PRKD1: variants seen among roughly 807,000 people sequenced by gnomAD.
The protein encoded by PRKD1 is serine/threonine-protein kinase D1.
Under a neutral mutation model 95.9 loss-of-function variants are expected in PRKD1, and 63 were observed. That is an observed-to-expected ratio of 0.66 (90% CI 0.54 to 0.81). PRKD1 has a LOEUF of 0.81. PRKD1 is among the 30% of genes least tolerant of loss of function. PRKD1 has a pLI of 0.00. For missense variants in PRKD1, 1,048 were observed against 1,165.3 expected, an observed-to-expected ratio of 0.90 and a Z score of 1.47; for synonymous variants, 425 against 423.1, an observed-to-expected ratio of 1.00 and a Z score of -0.05.
At chr14:29,639,490 T>C (rs1594386071) in intron 4 of PRKD1, among the ~76,000 whole-genome samples, 1 of 151,756 alleles carries the variant, frequency 6.6e-6, no homozygotes, top group South Asian at 2.1e-4. Flanking sequence ...GTGGTGGTGC[T>C]CGCCTGTAAT....
chr14:29,605,266 G>C (rs371720261), intron 13 of PRKD1, among the ~76,000 whole-genome samples: 1 of 152,240 alleles, frequency 6.6e-6, no homozygotes, highest in East Asian at 1.9e-4. Context: ...GCCCACAAAT[G>C]AATCACCACC....
chr14:29,603,597 A>T (rs75667033), intron 13 of PRKD1, among the ~76,000 whole-genome samples: 18 of 152,328 alleles, frequency 1.2e-4, no homozygotes, highest in Non-Finnish European at 2.4e-4. Flanking sequence ...AAGTTCAACC[A>T]AGGTGGTCCA....
intron 4 of PRKD1, among the ~76,000 whole-genome samples, chr14:29,652,077 G>A (rs1881540481): frequency 6.6e-6 from 1 of 152,092 alleles, no homozygotes; most frequent in African/African-American, 2.4e-5. Flanking sequence ...TAGCAGTTCA[G>A]AAGTTATGAG....
intron 1 of PRKD1, among the ~76,000 whole-genome samples, chr14:29,781,612 A>G (rs45590342): frequency 0.014 from 2,070 of 152,344 alleles, 50 homozygotes; most frequent in African/African-American, 0.047. Flanking sequence ...TTCAGTTTTG[A>G]TAATGGCTGA....
intron 1 of PRKD1, among the ~76,000 whole-genome samples, chr14:29,835,558 TTTTC>T (rs1252192450): frequency 6.6e-6 from 1 of 152,098 alleles, no homozygotes; most frequent in African/African-American, 2.4e-5. Flanking sequence ...CAAATTACTC[TTTTC>T]TTTATTTATT....
intron 1 of PRKD1, among the ~76,000 whole-genome samples, chr14:29,792,587 CA>C (rs1174300820): frequency 1.3e-5 from 2 of 151,984 alleles, no homozygotes; most frequent in Admixed American, 1.3e-4. Context: ...ATTTGGTGAC[CA>C]TTATAAATAA....
intron 1 of PRKD1, among the ~76,000 whole-genome samples, chr14:29,830,752 G>A (rs925328950): frequency 6.6e-6 from 1 of 151,994 alleles, no homozygotes; most frequent in Non-Finnish European, 1.5e-5. Context: ...GAATGTAGTG[G>A]CATGATCACG....
intron 1 of PRKD1, among the ~76,000 whole-genome samples, chr14:29,916,580 A>T (rs1566670487): frequency 1.3e-5 from 2 of 152,184 alleles, no homozygotes; most frequent in African/African-American, 4.8e-5. Flanking sequence ...CTCTAGTGTT[A>T]CTGTTCTGAG....
chr14:29,746,295 CA>C (rs561978138), intron 1 of PRKD1, among the ~76,000 whole-genome samples: 369 of 152,126 alleles, frequency 2.4e-3, no homozygotes, highest in Non-Finnish European at 2.6e-3. Context: ...ATAACCACAC[CA>C]ACTTGGCTTG....
intron 1 of PRKD1, among the ~76,000 whole-genome samples, chr14:29,819,220 T>G (rs1594546961): frequency 6.6e-6 from 1 of 152,204 alleles, no homozygotes; most frequent in Non-Finnish European, 1.5e-5. Context: ...AGGTACTTTA[T>G]CAATGACAAA....
Position 29,632,886 on chromosome 14 carries a change from CTG to C in PRKD1, c.1373_1374del (p.Thr458ArgfsTer12), listed in dbSNP as rs987290389. The C allele has an allele frequency of 2.5e-6, 4 of 1,612,952 alleles. No individual in the cohort carries two copies. The Admixed American group carries it at 5.0e-5, about 20-fold the overall frequency. On this transcript the variant is annotated frameshift_variant, in exon 9 of 18. Transcript: ENST00000331968. LOFTEE classifies it high-confidence loss of function. ...ACTCTTACCTTGTAGTACCTGCTTC[CTG>C]TGTCATTCTGAAAGAGGGTAATACA... ...SKCITLFQND[T>X]GSRYYKEIPL...
intron 1 of PRKD1, among the ~76,000 whole-genome samples, chr14:29,788,023 C>G (rs1414628106): frequency 1.3e-5 from 2 of 152,030 alleles, no homozygotes; most frequent in Non-Finnish European, 1.5e-5. Flanking sequence ...GAGTTGTATA[C>G]TTTCATATGT....
chr14:29,690,570 A>G (rs11851251), intron 2 of PRKD1, among the ~76,000 whole-genome samples: 79,118 of 151,976 alleles, frequency 0.52, 23,217 homozygotes, highest in African/African-American at 0.8. Flanking sequence ...TTCTGCTTCA[A>G]TGTCTCTTTC....
intron 16 of PRKD1, among the ~76,000 whole-genome samples, chr14:29,585,306 C>T (rs913940270): frequency 1.3e-5 from 2 of 152,212 alleles, no homozygotes; most frequent in Admixed American, 6.5e-5. Context: ...AAATCATCGT[C>T]TCACTCACTC....
intron 1 of PRKD1, among the ~76,000 whole-genome samples, chr14:29,926,948 G>A (rs1408818299): frequency 6.6e-6 from 1 of 151,772 alleles, no homozygotes; most frequent in Non-Finnish European, 1.5e-5. Flanking sequence ...GGGGCGCGGC[G>A]AGGAAAGGGC....
intron 1 of PRKD1, among the ~76,000 whole-genome samples, chr14:29,789,125 A>C (rs1257125889): frequency 6.6e-6 from 1 of 152,052 alleles, no homozygotes; most frequent in Admixed American, 6.5e-5. Context: ...AGCTCAAGTG[A>C]TGTTCCTGCC....
intron 1 of PRKD1, among the ~76,000 whole-genome samples, chr14:29,922,129 A>G (rs1181980698): frequency 5.3e-5 from 8 of 151,920 alleles, no homozygotes; most frequent in East Asian, 1.9e-4. Flanking sequence ...GTGAAACCCC[A>G]TCTCTACTAA....
intron 3 of PRKD1, among the ~76,000 whole-genome samples, chr14:29,665,574 G>T (rs1882442894): frequency 6.6e-6 from 1 of 152,058 alleles, no homozygotes; most frequent in South Asian, 2.1e-4. Flanking sequence ...TCTTTTTCAT[G>T]GCTGAGTAGT....
intron 1 of PRKD1, among the ~76,000 whole-genome samples, chr14:29,841,846 A>T (rs921293524): frequency 3.3e-5 from 5 of 152,018 alleles, no homozygotes; most frequent in African/African-American, 1.2e-4. Flanking sequence ...ACTCTGTAAT[A>T]ACACTTACAT....
Sources: gnomAD v4.1 joint callset for allele counts (sites outside exome capture counted in the v4.1 genomes callset) on GRCh38, gnomAD v4.1.1 for gene constraint, MANE v1.5 for transcripts, NCBI Gene and HGNC (gene_info 2026-07-23, HGNC 2026-07-21) for gene names.